The following ARHGAP24 variants were observed in gnomAD, a reference collection of about 807,000 sequenced individuals.
ARHGAP24 encodes rho GTPase-activating protein 24.
In ARHGAP24, 50 loss-of-function variants were observed where a neutral mutation model predicts 76.4. The observed-to-expected ratio is 0.65, with a 90% CI of 0.52 to 0.83. The LOEUF (loss-of-function observed/expected upper bound fraction) is 0.83. Among genes scored for constraint, ARHGAP24 ranks in the 40% least tolerant of loss-of-function variants. The pLI, the probability that ARHGAP24 is intolerant of heterozygous loss-of-function variation, is 0.00. For synonymous variants in ARHGAP24, 345 were observed against 323.3 expected (o/e 1.07, Z -0.72); for missense variants, 930 against 914.2 (o/e 1.02, Z -0.22).
At chr4:85,763,322 A>G (rs1214823297) in intron 3 of ARHGAP24, among the ~76,000 whole-genome samples, 2 of 152,210 alleles carry the variant, frequency 1.3e-5, no homozygotes, top group Non-Finnish European at 2.9e-5. Flanking sequence ...ATGATTAACC[A>G]GGATGCCTGG....
At chr4:85,504,971 A>T (rs1723985939) in intron 1 of ARHGAP24, among the ~76,000 whole-genome samples, 2 of 151,868 alleles carry the variant, frequency 1.3e-5, no homozygotes, top group East Asian at 3.9e-4. Context: ...TTTTCCCTTC[A>T]CTCATGAAGC....
chr4:85,575,684 C>T (rs1727342452), intron 2 of ARHGAP24, among the ~76,000 whole-genome samples: 1 of 152,128 alleles, frequency 6.6e-6, no homozygotes, highest in African/African-American at 2.4e-5. Flanking sequence ...TTATAGTTAT[C>T]TTAAAAATAA....
At chr4:85,701,678 T>A (rs887178653) in intron 2 of ARHGAP24, among the ~76,000 whole-genome samples, 1 of 151,968 alleles carries the variant, frequency 6.6e-6, no homozygotes, top group Non-Finnish European at 1.5e-5. Flanking sequence ...TGACTGAATT[T>A]TTTTCTTTTT....
At position 85,592,437 on chromosome 4, in the gene ARHGAP24, A is replaced by G. The variant is rs530464912; in HGVS notation, c.180+21716A>G. Among the ~76,000 whole-genome samples, 11 of 152,290 alleles carry G rather than the reference A, an allele frequency of 7.2e-5. No individual in the cohort carries two copies. The South Asian group carries it at 2.3e-3, about 32-fold the overall frequency. ...TGGTGTAATAATTACATCAGCTTAA[A>G]TGGTGTATCCATAACCTCAACATTT... On this transcript the variant is annotated intron_variant, in intron 2 of 9. Coordinates refer to ENST00000395184, the MANE Select transcript of ARHGAP24 (RefSeq NM_001025616.3).
chr4:85,636,517 C>T (rs1444984620), intron 2 of ARHGAP24, among the ~76,000 whole-genome samples: 1 of 151,688 alleles, frequency 6.6e-6, no homozygotes, highest in East Asian at 1.9e-4. Context: ...AAAATGGAGA[C>T]ATTAATAGTA....
chr4:85,852,988 G>A (rs1731326198), intron 3 of ARHGAP24, among the ~76,000 whole-genome samples: 1 of 152,176 alleles, frequency 6.6e-6, no homozygotes, highest in Non-Finnish European at 1.5e-5. Context: ...CGTGCTGGGA[G>A]AACCACTGCT....
chr4:85,788,050 A>C (rs919714338), intron 3 of ARHGAP24, among the ~76,000 whole-genome samples: 1 of 152,178 alleles, frequency 6.6e-6, no homozygotes, highest in Non-Finnish European at 1.5e-5. Context: ...GAGTGGTGAG[A>C]GAGACAAATC....
intron 9 of ARHGAP24, among the ~76,000 whole-genome samples, chr4:85,996,722 A>C (rs1007678592): frequency 6.6e-6 from 1 of 152,188 alleles, no homozygotes; most frequent in Non-Finnish European, 1.5e-5. Flanking sequence ...GGAGAGTGAC[A>C]GGAGATTTAA....
At chr4:85,755,111 G>C (rs146872749) in intron 3 of ARHGAP24, among the ~76,000 whole-genome samples, 38 of 152,314 alleles carry the variant, frequency 2.5e-4, no homozygotes, top group African/African-American at 8.2e-4. Flanking sequence ...GAAGGAACCT[G>C]TTGCGTAAAT....
rs573951506 is a variant in ARHGAP24 at position 85,566,892 on chromosome 4, T to C, written c.-20-3630T>C. On this transcript the variant is annotated intron_variant, in intron 1 of 9. Coordinates refer to ENST00000395184, the MANE Select transcript of ARHGAP24 (RefSeq NM_001025616.3). ...GACAGATTTTAAGCCAAAACTTAGA[T>C]AAAAAGGAGTTGAGCATGAAAAGAG... 1.0e-3 allele frequency among the ~76,000 whole-genome samples: 155 copies of C among 152,126 alleles called. 1 individual carries two copies. Among genetic ancestry groups the C allele is most frequent in the Non-Finnish European group, 1.8e-3 (125 of 67,974 alleles).
intron 3 of ARHGAP24, among the ~76,000 whole-genome samples, chr4:85,756,948 G>T (rs1208648613): frequency 6.6e-6 from 1 of 152,142 alleles, no homozygotes; most frequent in Non-Finnish European, 1.5e-5. Flanking sequence ...ATTTATTGGA[G>T]CCCCGAGTAA....
At chr4:85,838,096 AC>A (rs1483206009) in intron 3 of ARHGAP24, among the ~76,000 whole-genome samples, 1 of 152,192 alleles carries the variant, frequency 6.6e-6, no homozygotes, top group Non-Finnish European at 1.5e-5. Context: ...CTAAGCATCT[AC>A]ATTACTTATA....
intron 1 of ARHGAP24, among the ~76,000 whole-genome samples, chr4:85,509,740 A>G (rs1159623595): frequency 6.6e-6 from 1 of 152,050 alleles, no homozygotes; most frequent in Non-Finnish European, 1.5e-5. Flanking sequence ...TGGTTTGATT[A>G]TATTGAAGAA....
At chr4:85,931,596 A>G (rs754581858) in intron 4 of ARHGAP24, among the ~76,000 whole-genome samples, 10 of 152,198 alleles carry the variant, frequency 6.6e-5, no homozygotes, top group Admixed American at 2.0e-4. Context: ...TTTCAAATAT[A>G]TCACAAGGTG....
At chr4:85,659,914 AT>A (rs1722315380) in intron 2 of ARHGAP24, among the ~76,000 whole-genome samples, 3 of 152,334 alleles carry the variant, frequency 2.0e-5, no homozygotes, top group South Asian at 2.1e-4. Flanking sequence ...CTCTAAAAAA[AT>A]AATAGGTTTC....
At chr4:85,924,159 G>A (rs894937416) in intron 4 of ARHGAP24, among the ~76,000 whole-genome samples, 1 of 152,088 alleles carries the variant, frequency 6.6e-6, no homozygotes, top group Non-Finnish European at 1.5e-5. Context: ...GCCCCCAAAT[G>A]CTCAATTGTA....
At chr4:85,641,585 TC>T (rs1721524048) in intron 2 of ARHGAP24, among the ~76,000 whole-genome samples, 1 of 152,200 alleles carries the variant, frequency 6.6e-6, no homozygotes, top group Non-Finnish European at 1.5e-5. Context: ...TCTAGAATCA[TC>T]CTGGATTAGG....
chr4:85,742,784 C>T (rs757815941), intron 3 of ARHGAP24, among the ~76,000 whole-genome samples: 5 of 152,082 alleles, frequency 3.3e-5, no homozygotes, highest in African/African-American at 4.8e-5. Flanking sequence ...CTAGCCTGTA[C>T]GTTTCTTAGG....
intron 3 of ARHGAP24, among the ~76,000 whole-genome samples, chr4:85,872,643 C>T (rs1375527338): frequency 8.4e-6 from 1 of 118,690 alleles, no homozygotes; most frequent in African/African-American, 3.3e-5. Flanking sequence ...TGTCACAAAG[C>T]TTGGAGTACA....
Sources: gnomAD v4.1 joint callset for allele counts (sites outside exome capture counted in the v4.1 genomes callset) on GRCh38, gnomAD v4.1.1 for gene constraint, MANE v1.5 for transcripts, NCBI Gene and HGNC (gene_info 2026-07-23, HGNC 2026-07-21) for gene names.